Variants in MAB21L3 observed in about 807,000 individuals in gnomAD.
MAB21L3 encodes protein mab-21-like 3.
A neutral mutation model predicts 37.7 loss-of-function variants in MAB21L3; 36 were observed. That is an observed-to-expected ratio of 0.96 (90% confidence interval 0.73 to 1.26). The LOEUF (loss-of-function observed/expected upper bound fraction) is 1.26, where lower values mean the gene tolerates loss of function less well. MAB21L3 is among the 50% of genes most tolerant of loss of function. MAB21L3 has a pLI of 0.00. For missense variants in MAB21L3, 430 were observed against 447.3 expected (o/e 0.96, Z 0.35); for synonymous variants, 186 against 176.8 (o/e 1.05, Z -0.41).
rs41314003 is a variant in MAB21L3 at position 116,133,517 on chromosome 1, G to A, written c.*152G>A. On this transcript the variant is annotated 3_prime_UTR_variant, in exon 8 of 8. Coordinates refer to ENST00000369500, the MANE Select transcript of MAB21L3 (RefSeq NM_152367.3). Reference sequence around the variant, plus strand: ...ATCAAACCAGAAACACTTCAGCAGGGGGAAAACTGTGCCCCAGGATGTCTG... The same window carrying A: ...ATCAAACCAGAAACACTTCAGCAGGAGGAAAACTGTGCCCCAGGATGTCTG... 5.9e-5 allele frequency: 41 copies of A among 698,094 alleles called. No homozygotes were observed. Among genetic ancestry groups the A allele is most frequent in the Non-Finnish European group, 8.8e-5 (37 of 419,916 alleles). 43.2% of individuals were successfully genotyped at this position (698,094 alleles called of 1,614,324 possible).
In MAB21L3 at chr1:116,137,821, T is replaced by C. The variant is rs1660224731; in HGVS notation, c.*4456T>C. ...AAAAATGATGAGTTCATGTCCTTTG[T>C]AGGGACATGGGTGAAATTGGAAATC... is the stretch of plus-strand genomic sequence containing the variant. On this transcript the variant is annotated 3_prime_UTR_variant, in exon 8 of 8. Transcript: ENST00000369500. Among the ~76,000 whole-genome samples the C allele has an allele frequency of 1.3e-5, 2 of 151,640 alleles. No homozygotes were observed. The highest frequency in any genetic ancestry group is 4.9e-5 in the African/African-American group (2 of 41,208).
At chr1:116,120,879 T>A in intron 3 of MAB21L3, 53 bp from the exon 4 acceptor site, 2 of 1,603,552 alleles carry the variant, frequency 1.2e-6, no homozygotes, top group East Asian at 4.5e-5. Context: ...TATGCTGGTA[T>A]CTTGGGGCCC....
Position 116,133,540 on chromosome 1 carries a change from C to T in MAB21L3, c.*175C>T. The T allele has an allele frequency of 6.3e-6, 4 of 636,470 alleles. No homozygotes were observed. The highest frequency in any genetic ancestry group is 1.1e-5 in the Non-Finnish European group (4 of 367,976). 39.4% of individuals were successfully genotyped at this position (636,470 alleles called of 1,614,324 possible). ...GGGGGAAAACTGTGCCCCAGGATGTCTGGCCCAGGCCTCCCTGGAGCCCAG... is the reference window on the plus strand; with the variant it reads ...GGGGGAAAACTGTGCCCCAGGATGTTTGGCCCAGGCCTCCCTGGAGCCCAG... On this transcript the variant is annotated 3_prime_UTR_variant, in exon 8 of 8. Coordinates refer to ENST00000369500, the MANE Select transcript of MAB21L3 (RefSeq NM_152367.3).
In MAB21L3 at chr1:116,120,434, C is replaced by A. The variant is rs200071164; in HGVS notation, c.49-498C>A. On this transcript the variant is annotated intron_variant, in intron 3 of 7. Coordinates refer to ENST00000369500, the MANE Select transcript of MAB21L3 (RefSeq NM_152367.3). ...ACACACACACACACACACACACAAA[C>A]ACACACACACACACATATATATATA... 8.7e-5 allele frequency among the ~76,000 whole-genome samples: 11 copies of A among 126,796 alleles called. No individual in the cohort carries two copies. In the South Asian group the frequency reaches 9.4e-4, roughly 11 times the overall value. The allele number at this position is 126,796 out of a possible 152,430, so 83.2% of individuals were successfully genotyped here.
In MAB21L3 at chr1:116,128,356, T is replaced by G; in HGVS notation, c.855+17T>G. On this transcript the variant is annotated intron_variant, in intron 7 of 7. Transcript: ENST00000369500. ...CATCTGCAGGTGAGTGTGGGGCAGG[T>G]TGGAGAAGACCCAGGGGCAGCTTTG... 4 of 1,597,916 alleles carry G rather than the reference T, an allele frequency of 2.5e-6. No homozygotes were observed. The East Asian group carries it at 9.0e-5, about 36-fold the overall frequency.
chr1:116,121,054 G>T lies in MAB21L3; in HGVS notation c.171G>T (p.Thr57=). The T allele has an allele frequency of 6.2e-7, 1 of 1,613,602 alleles. No individual in the cohort carries two copies. The change falls in exon 4 of 8, where the codon ACG becomes ACT. Residue 57 remains threonine, a synonymous_variant. Coordinates refer to ENST00000369500, the MANE Select transcript of MAB21L3 (RefSeq NM_152367.3). ...TTCAAGCTGTGCCTTACTCTGACAC[G>T]TACAATGAAAATATTAAGGTAAGCA... is the stretch of plus-strand genomic sequence containing the variant. ...IRFQAVPYSD[T]YNENIKVLAP...
intron 3 of MAB21L3, among the ~76,000 whole-genome samples, chr1:116,118,979 G>T (rs1260402974): frequency 6.6e-6 from 1 of 152,182 alleles, no homozygotes; most frequent in Non-Finnish European, 1.5e-5. Context: ...GCTTTGTCAA[G>T]TTATCTATAA....
In MAB21L3 at chr1:116,135,054, C is replaced by A. The variant is rs527904767; in HGVS notation, c.*1689C>A. 6 of 152,094 alleles carry A rather than the reference C, an allele frequency of 3.9e-5. No homozygotes were observed. The highest frequency in any genetic ancestry group is 8.8e-5 in the Non-Finnish European group (6 of 67,990). 9.4% of individuals were successfully genotyped at this position (152,094 alleles called of 1,614,324 possible). On this transcript the variant is annotated 3_prime_UTR_variant, in exon 8 of 8. Transcript: ENST00000369500. ...AGATCCAAAATTGACACCCTAACAT[C>A]ACAATTAAAAGAACTAGAAAAGCAA...
At chr1:116,131,305 C>T (rs1001180314) in intron 7 of MAB21L3, among the ~76,000 whole-genome samples, 4 of 152,176 alleles carry the variant, frequency 2.6e-5, no homozygotes, top group Admixed American at 2.6e-4. Flanking sequence ...GAAGTGTGCC[C>T]TATGCAGCCG....
chr1:116,137,689 G>A lies in MAB21L3; in HGVS notation c.*4324G>A, dbSNP rs58456608. On this transcript the variant is annotated 3_prime_UTR_variant, in exon 8 of 8. Transcript: ENST00000369500. ...ACACATGCACACGTATGTTTATTGC[G>A]GCATTATTCACAATAGCAGACTTGG... 0.2 allele frequency among the ~76,000 whole-genome samples: 29,515 copies of A among 151,100 alleles called. 3,645 individuals carry two copies. Among genetic ancestry groups the A allele is most frequent in the African/African-American group, 0.35 (14,475 of 40,924 alleles).
chr1:116,124,300 G>T lies in MAB21L3; in HGVS notation c.424G>T (p.Val142Phe). 1.2e-6 allele frequency: 2 copies of T among 1,614,106 alleles called. No homozygotes were observed. Among genetic ancestry groups the T allele is most frequent in the Non-Finnish European group, 1.7e-6 (2 of 1,180,020 alleles). ...CGACGGAGACATTGTGCCTGCCAAG[G>T]TCCTCCTAGTGTTCCGGAAGCTGGT... ...NIDGDIVPAK[V>F]LLVFRKLVEN... The change falls in exon 5 of 8, where the codon GTC (valine) becomes TTC (phenylalanine). Residue 142 changes from valine to phenylalanine, a missense_variant. Coordinates refer to ENST00000369500, the MANE Select transcript of MAB21L3 (RefSeq NM_152367.3).
rs1660142832 is a variant in MAB21L3, at chr1:116,133,835, T to C, written c.*470T>C. ...CTACCTCTGAGCAGGGCTGTGTGCC[T>C]ATGAAACTGTGCTGGCGCCTTTTCA... On this transcript the variant is annotated 3_prime_UTR_variant, in exon 8 of 8. Coordinates refer to ENST00000369500, the MANE Select transcript of MAB21L3 (RefSeq NM_152367.3). The C allele has an allele frequency of 5.4e-6, 1 of 184,922 alleles. No individual in the cohort carries two copies. Among genetic ancestry groups the C allele is most frequent in the Non-Finnish European group, 1.1e-5 (1 of 87,982 alleles). The allele number at this position is 184,922 out of a possible 1,614,324, so 11.5% of individuals were successfully genotyped here. A position where few individuals can be genotyped will look rare whatever the true frequency, so the allele number is the denominator to read the frequency against.
chr1:116,111,436 A>G lies in MAB21L3; in HGVS notation c.-466A>G, dbSNP rs1407087630. 1.3e-5 allele frequency among the ~76,000 whole-genome samples: 2 copies of G among 152,124 alleles called. No homozygotes were observed. The highest frequency in any genetic ancestry group is 2.9e-5 in the Non-Finnish European group (2 of 68,010). ...AAGATATGCAAACGCTGAGGCCCCA[A>G]ATAGTGCAGTGGCCTTTGTGGGCAG... On this transcript the variant is annotated 5_prime_UTR_variant, in exon 1 of 8. Coordinates refer to ENST00000369500, the MANE Select transcript of MAB21L3 (RefSeq NM_152367.3).
rs541556752 is a variant in MAB21L3 at position 116,120,436 on chromosome 1, C to A, written c.49-496C>A. 4.9e-3 allele frequency among the ~76,000 whole-genome samples: 656 copies of A among 133,672 alleles called. 6 individuals are homozygous for A. Among genetic ancestry groups the A allele is most frequent in the African/African-American group, 0.024 (629 of 26,414 alleles). The allele number at this position is 133,672 out of a possible 152,430, so 87.7% of individuals were successfully genotyped here. On this transcript the variant is annotated intron_variant, in intron 3 of 7. Coordinates refer to ENST00000369500, the MANE Select transcript of MAB21L3 (RefSeq NM_152367.3). ...ACACACACACACACACACACAAACA[C>A]ACACACACACACATATATATATACA...
chr1:116,133,407 G>T lies in MAB21L3; in HGVS notation c.*42G>T, dbSNP rs1251626219. The T allele has an allele frequency of 1.3e-6, 2 of 1,563,276 alleles. No individual in the cohort carries two copies. Among genetic ancestry groups the T allele is most frequent in the South Asian group, 2.2e-5 (2 of 89,900 alleles). ...GGAGGCTCTTGGACATTTTATTCTG[G>T]CTTAACATTGTTCTTTGGATGGTTC... On this transcript the variant is annotated 3_prime_UTR_variant, in exon 8 of 8. Coordinates refer to ENST00000369500, the MANE Select transcript of MAB21L3 (RefSeq NM_152367.3).
At chr1:116,131,596 G>A (rs1481791653) in intron 7 of MAB21L3, among the ~76,000 whole-genome samples, 1 of 152,084 alleles carries the variant, frequency 6.6e-6, no homozygotes, top group Non-Finnish European at 1.5e-5. Context: ...CTCACTGCAA[G>A]CTCCACCTTC....
intron 3 of MAB21L3, among the ~76,000 whole-genome samples, chr1:116,117,351 A>ATTAACAC (rs1275889264): frequency 6.6e-6 from 1 of 151,872 alleles, no homozygotes; most frequent in Non-Finnish European, 1.5e-5. Flanking sequence ...GTTCTATCTA[A>ATTAACAC]TTAACACTTT....
rs149685859 is a variant in MAB21L3 at position 116,114,782 on chromosome 1, G to A, written c.48+2119G>A. Among the ~76,000 whole-genome samples the A allele has an allele frequency of 9.2e-5, 14 of 152,340 alleles. No individual in the cohort carries two copies. In the East Asian group the frequency reaches 9.6e-4, roughly 10 times the overall value. ...TGCTTAATAGAATGCATGGTAGACCGTAAGGGATGCAGTAGAGATTTCAAC... is the reference window on the plus strand; with the variant it reads ...TGCTTAATAGAATGCATGGTAGACCATAAGGGATGCAGTAGAGATTTCAAC... On this transcript the variant is annotated intron_variant, in intron 3 of 7. Coordinates refer to ENST00000369500, the MANE Select transcript of MAB21L3 (RefSeq NM_152367.3).
chr1:116,125,871 G>C (rs958219886), intron 5 of MAB21L3, among the ~76,000 whole-genome samples: 2 of 149,460 alleles, frequency 1.3e-5, no homozygotes, highest in Admixed American at 6.6e-5. Flanking sequence ...GCAGGGTGTG[G>C]GCCGGCAGGG....
Sources: gnomAD v4.1 joint callset for allele counts (sites outside exome capture counted in the v4.1 genomes callset) on GRCh38, gnomAD v4.1.1 for gene constraint, MANE v1.5 for transcripts, NCBI Gene and HGNC (gene_info 2026-07-23, HGNC 2026-07-21) for gene names.